The following DCDC1 variants were observed in gnomAD, a reference collection of about 807,000 sequenced individuals.
DCDC1 encodes the protein doublecortin domain containing 1.
A neutral mutation model predicts 178.3 loss-of-function variants in DCDC1; 200 were observed. The ratio of observed to expected loss-of-function variants is 1.12; its 90% confidence interval spans 1.00 to 1.26. The LOEUF is 1.26. DCDC1 is among the 50% of genes most tolerant of loss of function. The pLI, the probability that DCDC1 is intolerant of heterozygous loss-of-function variation, is 0.00. For missense variants in DCDC1, 1,983 were observed against 1,749.2 expected, an observed-to-expected ratio of 1.13 and a Z score of -2.38; for synonymous variants, 690 against 604.8, an observed-to-expected ratio of 1.14 and a Z score of -2.07.
intron 1 of DCDC1, among the ~76,000 whole-genome samples, chr11:31,345,025 A>G (rs1046670296): frequency 5.9e-5 from 9 of 152,312 alleles, no homozygotes; most frequent in African/African-American, 2.2e-4. Flanking sequence ...CTTATGTTTG[A>G]TAAATATCAG....
chr11:30,906,481 C>T, intron 30 of DCDC1, 59 bp downstream of exon 30: 1 of 1,518,612 alleles, frequency 6.6e-7, no homozygotes, highest in Non-Finnish European at 8.9e-7. Context: ...ATAATGAATG[C>T]ATCAAAGTTT....
intron 28 of DCDC1, among the ~76,000 whole-genome samples, chr11:30,911,011 A>G (rs1945410051): frequency 6.6e-6 from 1 of 152,160 alleles, no homozygotes; most frequent in Non-Finnish European, 1.5e-5. Flanking sequence ...ACCTGCCTGC[A>G]GCCACCACTG....
intron 1 of DCDC1, among the ~76,000 whole-genome samples, chr11:31,350,192 G>A (rs958370207): frequency 6.6e-6 from 1 of 152,050 alleles, no homozygotes; most frequent in African/African-American, 2.4e-5. Flanking sequence ...CCCATTAGTG[G>A]AGCAAAATAT....
intron 1 of DCDC1, among the ~76,000 whole-genome samples, chr11:31,345,198 T>C (rs900709339): frequency 3.3e-5 from 5 of 152,196 alleles, no homozygotes; most frequent in African/African-American, 4.8e-5. Flanking sequence ...GATAACAACA[T>C]GTTATGTAAG....
At chr11:31,065,429 A>G (rs938475433) in intron 18 of DCDC1, among the ~76,000 whole-genome samples, 13 of 152,198 alleles carry the variant, frequency 8.5e-5, no homozygotes, top group African/African-American at 2.9e-4. Context: ...TACATTAATA[A>G]TAATAGCTAA....
At chr11:31,220,590 A>G (rs2136662545) in intron 9 of DCDC1, among the ~76,000 whole-genome samples, 1 of 152,332 alleles carries the variant, frequency 6.6e-6, no homozygotes, top group African/African-American at 2.4e-5. Context: ...ATTATGTTAT[A>G]TTTACACTTT....
At chr11:30,994,654 CAT>C (rs962754536) in intron 20 of DCDC1, among the ~76,000 whole-genome samples, 26 of 142,290 alleles carry the variant, frequency 1.8e-4, no homozygotes, top group East Asian at 4.0e-4. Context: ...TAATATATAA[CAT>C]ATTATTATAT....
At chr11:31,048,315 G>A (rs1311185433) in intron 20 of DCDC1, among the ~76,000 whole-genome samples, 1 of 152,154 alleles carries the variant, frequency 6.6e-6, no homozygotes. Context: ...GTAAATCATA[G>A]AATAAGAGAG....
At position 31,213,437 on chromosome 11, in the gene DCDC1, A is replaced by T. The variant is rs537739484; in HGVS notation, c.1221+28013T>A. Among the ~76,000 whole-genome samples, 4 of 152,086 alleles carry T rather than the reference A, an allele frequency of 2.6e-5. No individual in the cohort carries two copies. In the East Asian group the frequency reaches 7.7e-4, roughly 29 times the overall value. On this transcript the variant is annotated intron_variant, in intron 9 of 38. Coordinates refer to ENST00000684477, the MANE Select transcript of DCDC1 (RefSeq NM_001387274.1). ...ACAGGCATTAAAAGTGGTCACCTTC[A>T]GCAGGGGGCGGTGGCTTATCATGTC...
intron 38 of DCDC1, among the ~76,000 whole-genome samples, chr11:30,874,015 A>G (rs1397139235): frequency 2.0e-5 from 3 of 152,192 alleles, no homozygotes; most frequent in Non-Finnish European, 2.9e-5. Context: ...CATTTCCATC[A>G]TTTCTTAAGG....
chr11:30,959,622 T>A (rs1189006447), intron 20 of DCDC1, among the ~76,000 whole-genome samples: 2 of 152,152 alleles, frequency 1.3e-5, no homozygotes, highest in East Asian at 3.9e-4. Context: ...CTGTCTCAGA[T>A]AAAATATTGT....
At chr11:31,122,658 G>C (rs1241005299) in intron 11 of DCDC1, among the ~76,000 whole-genome samples, 1 of 152,122 alleles carries the variant, frequency 6.6e-6, no homozygotes, top group Non-Finnish European at 1.5e-5. Context: ...TTGCAACTGA[G>C]AAATGAGTGT....
chr11:31,209,725 G>A (rs1214779415), intron 9 of DCDC1, among the ~76,000 whole-genome samples: 2 of 152,132 alleles, frequency 1.3e-5, no homozygotes, highest in African/African-American at 2.4e-5. Flanking sequence ...TTAAGGCAGA[G>A]AATAAAAACT....
chr11:30,907,870 T>C (rs956063370), intron 29 of DCDC1, among the ~76,000 whole-genome samples: 4 of 152,320 alleles, frequency 2.6e-5, no homozygotes, highest in African/African-American at 9.6e-5. Flanking sequence ...TTTGTTACAC[T>C]GCAATAGATA....
At position 30,904,778 on chromosome 11, in the gene DCDC1, A is replaced by G. The variant is rs180976243; in HGVS notation, c.4308+183T>C. 1,629 of 682,906 alleles carry G rather than the reference A, an allele frequency of 2.4e-3. 3 individuals are homozygous for G. The highest frequency in any genetic ancestry group is 3.6e-3 in the Non-Finnish European group (1,483 of 412,098). 42.3% of individuals were successfully genotyped at this position (682,906 alleles called of 1,614,324 possible). Reference sequence around the variant, plus strand: ...TGGTTTCTAGTTTTTCTAAGTCTGTATCCACTGACATACAATCAAATAAAA... The same window carrying G: ...TGGTTTCTAGTTTTTCTAAGTCTGTGTCCACTGACATACAATCAAATAAAA... On this transcript the variant is annotated intron_variant, in intron 31 of 38. Coordinates refer to ENST00000684477, the MANE Select transcript of DCDC1 (RefSeq NM_001387274.1).
chr11:31,094,169 C>A lies in DCDC1; in HGVS notation c.1999G>T (p.Val667Phe), dbSNP rs1263435957. 1.3e-6 allele frequency: 1 copy of A among 766,020 alleles called. No individual in the cohort carries two copies. The highest frequency in any genetic ancestry group is 2.4e-6 in the Non-Finnish European group (1 of 417,776). The allele number at this position is 766,020 out of a possible 1,614,324, so 47.5% of individuals were successfully genotyped here. Residue 667 changes from valine (V) to phenylalanine (F), a missense_variant, in exon 16 of 39, where the codon GTC becomes TTC. Val to Phe is a conservative substitution (Grantham distance 50). Coordinates refer to ENST00000684477, the MANE Select transcript of DCDC1 (RefSeq NM_001387274.1). Reference protein sequence around the residue: ...FLQNKVDPNIVLHASVSIGKW... With the variant: ...FLQNKVDPNIFLHASVSIGKW... ...CCAATGGAAACAGAGGCATGAAGGA[C>A]AATATTGGGATCTACCTGTATCATA... is the stretch of plus-strand genomic sequence containing the variant.
intron 27 of DCDC1, among the ~76,000 whole-genome samples, chr11:30,912,386 C>T (rs576511954): frequency 1.3e-5 from 2 of 152,076 alleles, no homozygotes; most frequent in East Asian, 1.9e-4. Flanking sequence ...TGGGTTCAAA[C>T]GATTCTTCTG....
intron 1 of DCDC1, among the ~76,000 whole-genome samples, chr11:31,364,031 A>C (rs1397780374): frequency 6.6e-6 from 1 of 152,190 alleles, no homozygotes; most frequent in Non-Finnish European, 1.5e-5. Flanking sequence ...AGCAGCTGCC[A>C]GTGAACCATG....
chr11:31,366,953 T>A lies in DCDC1; in HGVS notation c.-125+2744A>T, dbSNP rs571276069. Among the ~76,000 whole-genome samples the A allele has an allele frequency of 1.2e-3, 185 of 152,346 alleles. 1 individual carries two copies. Among genetic ancestry groups the A allele is most frequent in the Middle Eastern group, 6.8e-3 (2 of 292 alleles). On this transcript the variant is annotated intron_variant, in intron 1 of 38. Transcript: ENST00000684477. ...TGGTGAGTTTCAGCTCTTTGATACT[T>A]GTTGAGAGGTCTGGGCATCCTTTCT...
Sources: gnomAD v4.1 joint callset for allele counts (sites outside exome capture counted in the v4.1 genomes callset) on GRCh38, gnomAD v4.1.1 for gene constraint, MANE v1.5 for transcripts, NCBI Gene and HGNC (gene_info 2026-07-23, HGNC 2026-07-21) for gene names.